AGMO: variants seen among roughly 807,000 people sequenced by gnomAD.
The protein encoded by AGMO is alkylglycerol monooxygenase.
In AGMO, 75 loss-of-function variants were observed where a neutral mutation model predicts 60.2. The observed-to-expected ratio is 1.25, with a 90% CI of 1.03 to 1.51. The LOEUF (loss-of-function observed/expected upper bound fraction) is 1.51. Ranked by LOEUF, AGMO falls within the 40% of genes most tolerant of loss-of-function variation. The pLI, the probability that AGMO is intolerant of heterozygous loss-of-function variation, is 0.00. For missense variants in AGMO, 763 were observed against 525.5 expected, an observed-to-expected ratio of 1.45 and a Z score of -4.42; for synonymous variants, 261 against 177.1, an observed-to-expected ratio of 1.47 and a Z score of -3.76.
intron 3 of AGMO, 79 bp from the exon 4 acceptor site, chr7:15,431,187 G>T (rs1781228266): frequency 2.1e-6 from 2 of 937,626 alleles, no homozygotes; most frequent in Non-Finnish European, 1.7e-6. Flanking sequence ...ATGCTGCTCT[G>T]TTGAGTGAGG....
At chr7:15,236,048 T>C (rs796607577) in intron 12 of AGMO, among the ~76,000 whole-genome samples, 17 of 152,158 alleles carry the variant, frequency 1.1e-4, no homozygotes, top group African/African-American at 3.9e-4. Flanking sequence ...TATAAAGAAA[T>C]ATTAAATAAA....
chr7:15,390,162 T>G (rs1242949314), intron 8 of AGMO, among the ~76,000 whole-genome samples: 1 of 151,960 alleles, frequency 6.6e-6, no homozygotes, highest in East Asian at 1.9e-4. Context: ...CAGTACCACA[T>G]GTCTAAGAGA....
At chr7:15,336,878 T>G (rs1275909662) in intron 12 of AGMO, among the ~76,000 whole-genome samples, 1 of 152,144 alleles carries the variant, frequency 6.6e-6, no homozygotes, top group African/African-American at 2.4e-5. Flanking sequence ...ACATTTAGAC[T>G]ATAGAGTAAT....
intron 12 of AGMO, among the ~76,000 whole-genome samples, chr7:15,202,806 C>G (rs1297191998): frequency 1.3e-5 from 2 of 152,090 alleles, no homozygotes; most frequent in African/African-American, 4.8e-5. Flanking sequence ...CCTCATGGCA[C>G]TTCTTCTGAT....
chr7:15,383,655 ATTAT>A (rs746174081), intron 10 of AGMO, among the ~76,000 whole-genome samples: 20 of 152,160 alleles, frequency 1.3e-4, no homozygotes, highest in South Asian at 6.2e-4. Context: ...TTCAGCATAT[ATTAT>A]TTATTAATTT....
the AGMO span, among the ~76,000 whole-genome samples, chr7:15,168,356 G>A: frequency 6.6e-6 from 1 of 152,060 alleles, no homozygotes; most frequent in Non-Finnish European, 1.5e-5. Context: ...AAAAGGGCGG[G>A]GCTTTATAGC....
At chr7:15,211,492 A>G (rs947938076) in intron 12 of AGMO, among the ~76,000 whole-genome samples, 6 of 152,004 alleles carry the variant, frequency 3.9e-5, no homozygotes, top group Non-Finnish European at 8.8e-5. Flanking sequence ...TATTACAATT[A>G]TGGATTGATC....
intron 12 of AGMO, among the ~76,000 whole-genome samples, chr7:15,319,604 G>T (rs931647674): frequency 6.6e-6 from 1 of 151,980 alleles, no homozygotes; most frequent in Admixed American, 6.6e-5. Flanking sequence ...TCACATTGGG[G>T]GAAAGTGACG....
At chr7:15,288,613 T>C (rs1784166466) in intron 12 of AGMO, among the ~76,000 whole-genome samples, 1 of 152,112 alleles carries the variant, frequency 6.6e-6, no homozygotes, top group Non-Finnish European at 1.5e-5. Context: ...AAGAATCCTA[T>C]ATGCAGTCTT....
intron 12 of AGMO, among the ~76,000 whole-genome samples, chr7:15,276,094 A>T (rs1486445166): frequency 1.3e-5 from 2 of 152,162 alleles, no homozygotes; most frequent in Non-Finnish European, 2.9e-5. Flanking sequence ...TCTTAGTGTT[A>T]GCTAACTGTG....
At chr7:15,512,179 T>C (rs1245621926) in intron 3 of AGMO, among the ~76,000 whole-genome samples, 3 of 152,212 alleles carry the variant, frequency 2.0e-5, no homozygotes, top group East Asian at 1.9e-4. Context: ...TCTTGTGTCA[T>C]CTTCTAAAAT....
intron 8 of AGMO, among the ~76,000 whole-genome samples, chr7:15,390,153 A>AGT (rs1324164607): frequency 1.3e-5 from 2 of 152,138 alleles, no homozygotes; most frequent in African/African-American, 4.8e-5. Flanking sequence ...ATGAACAACC[A>AGT]GTACCACATG....
chr7:15,391,556 AAAG>A (rs1335894027), intron 6 of AGMO, among the ~76,000 whole-genome samples: 5 of 152,200 alleles, frequency 3.3e-5, no homozygotes, highest in African/African-American at 1.2e-4. Context: ...ATCTTAAGAA[AAAG>A]AATAATTAAT....
At chr7:15,192,228 A>G in the AGMO span, among the ~76,000 whole-genome samples, 1 of 151,844 alleles carries the variant, frequency 6.6e-6, no homozygotes, top group Non-Finnish European at 1.5e-5. Flanking sequence ...CCTGCCCAAA[A>G]TGTTGCTTTA....
chr7:15,431,191 AGT>A, intron 3 of AGMO, 83 bp from the exon 4 acceptor site: 1 of 896,064 alleles, frequency 1.1e-6, no homozygotes, highest in Non-Finnish European at 1.8e-6. Context: ...TGCTCTGTTG[AGT>A]GAGGAAGAAA....
intron 12 of AGMO, among the ~76,000 whole-genome samples, chr7:15,273,001 G>A (rs1371694366): frequency 6.6e-6 from 1 of 151,764 alleles, no homozygotes; most frequent in Non-Finnish European, 1.5e-5. Flanking sequence ...TTGTAAATTT[G>A]GGTTCTTTGT....
At chr7:15,450,623 T>A (rs532294863) in intron 3 of AGMO, among the ~76,000 whole-genome samples, 11 of 152,126 alleles carry the variant, frequency 7.2e-5, no homozygotes, top group Non-Finnish European at 1.2e-4. Context: ...GAATTTTGGT[T>A]TGTCTATTCA....
At chr7:15,470,908 A>G (rs2128512457) in intron 3 of AGMO, among the ~76,000 whole-genome samples, 2 of 152,096 alleles carry the variant, frequency 1.3e-5, no homozygotes, top group Admixed American at 6.6e-5. Flanking sequence ...TTCTTTCAGA[A>G]TAATAAATAT....
intron 12 of AGMO, among the ~76,000 whole-genome samples, chr7:15,363,680 A>G (rs1470104921): frequency 1.3e-5 from 2 of 152,146 alleles, no homozygotes; most frequent in East Asian, 3.9e-4. Context: ...GACATACTAC[A>G]TTGCCCTCCA....
Sources: allele counts gnomAD v4.1 joint callset (sites outside exome capture counted in the v4.1 genomes callset), GRCh38; gene constraint gnomAD v4.1.1; transcripts MANE v1.5; gene names NCBI Gene and HGNC (gene_info 2026-07-23, HGNC 2026-07-21).